The following HS6ST3 variants were observed in gnomAD, a reference collection of about 807,000 sequenced individuals.
HS6ST3 encodes heparan-sulfate 6-O-sulfotransferase 3.
HS6ST3 carries 12 observed loss-of-function variants against 36.7 expected under a neutral mutation model. The ratio of observed to expected loss-of-function variants is 0.33; its 90% CI spans 0.21 to 0.53. HS6ST3 has a LOEUF of 0.53. Ranked by LOEUF, HS6ST3 falls within the 20% of genes least tolerant of loss-of-function variation. The pLI is 0.95. For missense variants in HS6ST3, 584 were observed against 640.9 expected (o/e 0.91, Z 0.96); for synonymous variants, 240 against 257.5 (o/e 0.93, Z 0.65).
chr13:96,163,415 G>C (rs1002872457), intron 1 of HS6ST3, among the ~76,000 whole-genome samples: 1 of 151,920 alleles, frequency 6.6e-6, no homozygotes, highest in East Asian at 1.9e-4. Context: ...ATTTTTAGTA[G>C]AGATGGGGTT....
intron 1 of HS6ST3, among the ~76,000 whole-genome samples, chr13:96,120,366 T>G (rs2053919536): frequency 6.6e-6 from 1 of 152,340 alleles, no homozygotes; most frequent in Admixed American, 6.5e-5. Context: ...ACTGTGCAGC[T>G]TTTGCAGTAA....
chr13:96,576,353 C>A (rs1167953704), intron 1 of HS6ST3, among the ~76,000 whole-genome samples: 1 of 152,144 alleles, frequency 6.6e-6, no homozygotes, highest in Non-Finnish European at 1.5e-5. Flanking sequence ...TGACTTCCTG[C>A]TGCTGAGAAT....
chr13:96,555,754 G>A (rs537202442), intron 1 of HS6ST3, among the ~76,000 whole-genome samples: 11 of 151,950 alleles, frequency 7.2e-5, no homozygotes, highest in South Asian at 6.2e-4. Flanking sequence ...ATTTGTAGAC[G>A]TGTCCAAAAA....
At chr13:96,444,838 A>G (rs2055690284) in intron 1 of HS6ST3, among the ~76,000 whole-genome samples, 1 of 152,224 alleles carries the variant, frequency 6.6e-6, no homozygotes, top group African/African-American at 2.4e-5. Flanking sequence ...GTAGTTTCTT[A>G]CAGACTGAAT....
chr13:96,728,937 T>C (rs1876074206), intron 1 of HS6ST3, among the ~76,000 whole-genome samples: 1 of 152,168 alleles, frequency 6.6e-6, no homozygotes, highest in East Asian at 1.9e-4. Flanking sequence ...GAAGTTTGCT[T>C]CATATCAAAT....
At chr13:96,292,357 G>A (rs897431711) in intron 1 of HS6ST3, among the ~76,000 whole-genome samples, 3 of 151,828 alleles carry the variant, frequency 2.0e-5, no homozygotes, top group African/African-American at 7.3e-5. Flanking sequence ...CACAAGGTAG[G>A]TTTTGTATTT....
At chr13:96,809,723 T>C (rs990757370) in intron 1 of HS6ST3, among the ~76,000 whole-genome samples, 1 of 152,174 alleles carries the variant, frequency 6.6e-6, no homozygotes, top group African/African-American at 2.4e-5. Flanking sequence ...TTCCTCTGCA[T>C]AGGAGGCAGA....
intron 1 of HS6ST3, among the ~76,000 whole-genome samples, chr13:96,182,043 CA>C (rs2054242446): frequency 6.6e-6 from 1 of 152,170 alleles, no homozygotes; most frequent in African/African-American, 2.4e-5. Flanking sequence ...TGAGAAATGA[CA>C]GCCTCGAAAA....
intron 1 of HS6ST3, among the ~76,000 whole-genome samples, chr13:96,156,999 CA>C (rs1438355941): frequency 6.6e-6 from 1 of 152,166 alleles, no homozygotes; most frequent in African/African-American, 2.4e-5. Flanking sequence ...CAGCATGTGG[CA>C]GGGGCTAGCA....
Position 96,832,952 on chromosome 13 carries a change from C to G in HS6ST3, c.1170C>G (p.Asn390Lys). Residue 390 changes from asparagine to lysine, a missense_variant, in exon 2 of 2, where the codon AAC (asparagine) becomes AAG (lysine). By Grantham distance (94) the Asn-to-Lys change is moderately conservative. Coordinates refer to ENST00000376705, the MANE Select transcript of HS6ST3 (RefSeq NM_153456.4). ...NITRASNVEI[N>K]EGARQRIEDL... The stretch of plus-strand genomic sequence containing the variant: ...CGCGGGCTTCTAACGTGGAGATCAA[C>G]GAGGGTGCCCGCCAACGCATTGAGG... 6.2e-7 allele frequency: 1 copy of G among 1,614,080 alleles called. No homozygotes were observed. The highest frequency in any genetic ancestry group is 8.5e-7 in the Non-Finnish European group (1 of 1,180,010).
At chr13:96,784,296 G>T (rs1187748458) in intron 1 of HS6ST3, among the ~76,000 whole-genome samples, 2 of 152,144 alleles carry the variant, frequency 1.3e-5, no homozygotes, top group African/African-American at 4.8e-5. Flanking sequence ...ATGTAGCAAT[G>T]AAGGGAGGAA....
chr13:96,480,692 C>T (rs1264635968), intron 1 of HS6ST3, among the ~76,000 whole-genome samples: 1 of 152,122 alleles, frequency 6.6e-6, no homozygotes, highest in Non-Finnish European at 1.5e-5. Context: ...TGTGCTACTC[C>T]CTGATCCCCA....
At chr13:96,297,364 T>G (rs2054860274) in intron 1 of HS6ST3, among the ~76,000 whole-genome samples, 1 of 152,134 alleles carries the variant, frequency 6.6e-6, no homozygotes, top group Non-Finnish European at 1.5e-5. Context: ...ACTTATTTTC[T>G]TTCTCTGCCA....
At chr13:96,331,114 T>C (rs1210359971) in intron 1 of HS6ST3, among the ~76,000 whole-genome samples, 2 of 152,230 alleles carry the variant, frequency 1.3e-5, no homozygotes, top group Non-Finnish European at 2.9e-5. Flanking sequence ...TCAACTTCTT[T>C]GCCTTTGGTT....
At chr13:96,408,035 G>A (rs955513097) in intron 1 of HS6ST3, among the ~76,000 whole-genome samples, 10 of 152,128 alleles carry the variant, frequency 6.6e-5, no homozygotes, top group Admixed American at 2.6e-4. Context: ...CCGCCCCTGG[G>A]TTCAAGCAAT....
chr13:96,533,599 A>G (rs2056144197), intron 1 of HS6ST3, among the ~76,000 whole-genome samples: 1 of 152,208 alleles, frequency 6.6e-6, no homozygotes, highest in Non-Finnish European at 1.5e-5. Context: ...GCAGATCAGC[A>G]ACAAGGAGCT....
intron 1 of HS6ST3, among the ~76,000 whole-genome samples, chr13:96,369,400 A>C (rs931951374): frequency 6.6e-6 from 1 of 152,134 alleles, no homozygotes; most frequent in Non-Finnish European, 1.5e-5. Context: ...CAGATGCCTT[A>C]AGGGACCTAA....
At chr13:96,399,363 T>C (rs2139456335) in intron 1 of HS6ST3, among the ~76,000 whole-genome samples, 1 of 152,296 alleles carries the variant, frequency 6.6e-6, no homozygotes, top group Middle Eastern at 3.4e-3. Context: ...CTTTTTATTT[T>C]ATAGATGAGA....
At chr13:96,707,806 C>T (rs1209947625) in intron 1 of HS6ST3, among the ~76,000 whole-genome samples, 1 of 152,218 alleles carries the variant, frequency 6.6e-6, no homozygotes, top group Non-Finnish European at 1.5e-5. Flanking sequence ...TAGTTTATTT[C>T]ACTCTCCTAT....
Sources: gnomAD v4.1 joint callset for allele counts (sites outside exome capture counted in the v4.1 genomes callset) on GRCh38, gnomAD v4.1.1 for gene constraint, MANE v1.5 for transcripts, NCBI Gene and HGNC (gene_info 2026-07-23, HGNC 2026-07-21) for gene names.